The following SNX27 variants were observed in gnomAD, a reference collection of about 807,000 sequenced individuals.
The protein encoded by SNX27 is sorting nexin-27.
In SNX27, 22 loss-of-function variants were observed where a neutral mutation model predicts 71.6. The observed-to-expected ratio is 0.31, with a 90% CI of 0.22 to 0.44. The LOEUF is 0.44. Ranked by LOEUF, SNX27 falls within the 20% of genes least tolerant of loss-of-function variation. The pLI is 1.00. For synonymous variants in SNX27, 269 were observed against 277.2 expected, an observed-to-expected ratio of 0.97 and a Z score of 0.29; for missense variants, 531 against 698.6, an observed-to-expected ratio of 0.76 and a Z score of 2.70.
chr1:151,681,425 G>C (rs1219925388), intron 7 of SNX27, among the ~76,000 whole-genome samples: 1 of 151,440 alleles, frequency 6.6e-6, no homozygotes, highest in African/African-American at 2.4e-5. Context: ...TGTATTTTTA[G>C]TAGAGACAGG....
rs554315718 is a variant in SNX27, at chr1:151,693,187, T to C, written c.1518+148T>C. The C allele has an allele frequency of 8.3e-4, 1,034 of 1,246,778 alleles. 3 individuals carry two copies. The highest frequency in any genetic ancestry group is 1.1e-3 in the Non-Finnish European group (968 of 894,022). The allele number at this position is 1,246,778 out of a possible 1,614,324, so 77.2% of individuals were successfully genotyped here. On this transcript the variant is annotated intron_variant, in intron 10 of 11. Coordinates refer to ENST00000458013, the MANE Select transcript of SNX27 (RefSeq NM_001330723.2). The stretch of plus-strand genomic sequence containing the variant: ...AATCCTGGAGCCCCCAGATTCATCC[T>C]GTTTTTGCTTTAGGCCTGACTGGAA...
At chr1:151,656,494 A>AT (rs1177692647) in intron 2 of SNX27, among the ~76,000 whole-genome samples, 1 of 152,218 alleles carries the variant, frequency 6.6e-6, no homozygotes, top group African/African-American at 2.4e-5. Flanking sequence ...CATTGGCAAA[A>AT]TTAAGAGGAT....
intron 1 of SNX27, among the ~76,000 whole-genome samples, chr1:151,622,241 A>G (rs1386072223): frequency 2.6e-5 from 4 of 152,218 alleles, no homozygotes; most frequent in Admixed American, 1.3e-4. Flanking sequence ...ACTGTCTTTC[A>G]TAAATGAAGG....
chr1:151,632,966 G>A (rs1668308191), intron 1 of SNX27, among the ~76,000 whole-genome samples: 1 of 151,974 alleles, frequency 6.6e-6, no homozygotes, highest in South Asian at 2.1e-4. Flanking sequence ...CCACCTCCCG[G>A]GTTCACGCCA....
chr1:151,641,158 A>G (rs1668701056), intron 2 of SNX27, among the ~76,000 whole-genome samples: 1 of 152,230 alleles, frequency 6.6e-6, no homozygotes, highest in Non-Finnish European at 1.5e-5. Context: ...TAAAGCTGCC[A>G]TGAAATAATA....
chr1:151,637,162 G>GTTT (rs1203944575), intron 1 of SNX27, among the ~76,000 whole-genome samples: 5 of 37,334 alleles, frequency 1.3e-4, no homozygotes, highest in Admixed American at 3.0e-4. Context: ...CGTTTTTTTT[G>GTTT]TTTTTTTGTT....
At chr1:151,649,361 T>C (rs1571813188) in intron 2 of SNX27, among the ~76,000 whole-genome samples, 1 of 152,268 alleles carries the variant, frequency 6.6e-6, no homozygotes, top group East Asian at 1.9e-4. Flanking sequence ...GGCAGCAAGA[T>C]TGCTTGAGGC....
At chr1:151,692,405 C>CATT in intron 8 of SNX27, 30 bp from the exon 9 acceptor site, 1 of 1,261,158 alleles carries the variant, frequency 7.9e-7, no homozygotes, top group Non-Finnish European at 1.1e-6. Context: ...GTTTCTCCTT[C>CATT]CTTTTTTTTT....
chr1:151,648,717 C>A (rs185240354), intron 2 of SNX27, among the ~76,000 whole-genome samples: 41 of 147,348 alleles, frequency 2.8e-4, no homozygotes, highest in African/African-American at 1.0e-3. Context: ...CCATGCCCAG[C>A]CCATATTTAC....
chr1:151,650,068 A>C (rs1419045185), intron 2 of SNX27, among the ~76,000 whole-genome samples: 1 of 151,834 alleles, frequency 6.6e-6, no homozygotes, highest in Non-Finnish European at 1.5e-5. Context: ...TTGTATTTTT[A>C]CTGGAGACAG....
chr1:151,684,859 AGTG>A (rs1671121959), intron 8 of SNX27, among the ~76,000 whole-genome samples: 1 of 151,948 alleles, frequency 6.6e-6, no homozygotes, highest in Non-Finnish European at 1.5e-5. Flanking sequence ...CCCAGGCTGG[AGTG>A]CAGTGGTGTG....
intron 1 of SNX27, among the ~76,000 whole-genome samples, chr1:151,634,120 T>C (rs1490673540): frequency 6.6e-6 from 1 of 152,196 alleles, no homozygotes; most frequent in Non-Finnish European, 1.5e-5. Flanking sequence ...TTCCACATCT[T>C]TGGCAAAACT....
chr1:151,693,102 A>G, intron 10 of SNX27, 63 bp downstream of exon 10: 1 of 1,574,916 alleles, frequency 6.3e-7, no homozygotes, highest in Non-Finnish European at 8.6e-7. Flanking sequence ...TTTTTCAGCT[A>G]AATGCATAAA....
At position 151,678,039 on chromosome 1, in the gene SNX27, T is replaced by C. The variant is rs577209726; in HGVS notation, c.1150-5317T>C. ...GTAACAGATCTCCAGAATTCTTTTT[T>C]TTAAAGGAGGGGACAGAATCTCAGT... On this transcript the variant is annotated intron_variant, in intron 7 of 11. Transcript: ENST00000458013. 10 of 152,282 alleles carry C rather than the reference T, an allele frequency of 6.6e-5. No homozygotes were observed. The East Asian group carries it at 1.9e-3, about 29-fold the overall frequency. The allele number at this position is 152,282 out of a possible 1,614,324, so 9.4% of individuals were successfully genotyped here. A position where few individuals can be genotyped will look rare whatever the true frequency, so the allele number is the denominator to read the frequency against.
At chr1:151,646,784 TAACTTTACCCC>T (rs975162890) in intron 2 of SNX27, among the ~76,000 whole-genome samples, 4 of 151,740 alleles carry the variant, frequency 2.6e-5, no homozygotes, top group Non-Finnish European at 5.9e-5. Flanking sequence ...TACCAATTTC[TAACTTTACCCC>T]ACTGTAGTTA....
chr1:151,672,221 T>C (rs1239583006), intron 7 of SNX27, among the ~76,000 whole-genome samples: 1 of 152,206 alleles, frequency 6.6e-6, no homozygotes, highest in East Asian at 1.9e-4. Context: ...TGTTGAATTT[T>C]ATCAAATGCT....
At chr1:151,624,140 T>A (rs541984298) in intron 1 of SNX27, among the ~76,000 whole-genome samples, 1 of 151,758 alleles carries the variant, frequency 6.6e-6, no homozygotes, top group Admixed American at 6.6e-5. Context: ...TTTTTAAAAA[T>A]TTTTTTGTAA....
intron 2 of SNX27, among the ~76,000 whole-genome samples, chr1:151,654,739 A>G (rs1669596213): frequency 1.3e-5 from 2 of 152,196 alleles, no homozygotes; most frequent in South Asian, 4.1e-4. Context: ...GAAGGAAGGC[A>G]TTCCCTGGTG....
chr1:151,613,840 T>C (rs914613561), intron 1 of SNX27: 13 of 152,266 alleles, frequency 8.5e-5, no homozygotes, highest in African/African-American at 3.1e-4. Context: ...CAGTCTTCAG[T>C]GCTGTGTTTC....
Sources: gnomAD v4.1 joint callset for allele counts (sites outside exome capture counted in the v4.1 genomes callset) on GRCh38, gnomAD v4.1.1 for gene constraint, MANE v1.5 for transcripts, NCBI Gene and HGNC (gene_info 2026-07-23, HGNC 2026-07-21) for gene names.